EIF4E3: variants seen among roughly 807,000 people sequenced by gnomAD.
The protein encoded by EIF4E3 is eukaryotic translation initiation factor 4E family member 3.
A neutral mutation model predicts 31.7 loss-of-function variants in EIF4E3; 26 were observed. The ratio of observed to expected loss-of-function variants is 0.82; its 90% confidence interval spans 0.60 to 1.14. The LOEUF is 1.14. Among genes scored for constraint, EIF4E3 ranks in the 50% most tolerant of loss-of-function variants. The probability of loss-of-function intolerance (pLI) is 0.00; values close to 1 mark genes in which losing one functional copy is unlikely to be tolerated. For synonymous variants in EIF4E3, 128 were observed against 107.7 expected, an observed-to-expected ratio of 1.19 and a Z score of -1.17; for missense variants, 304 against 270.9, an observed-to-expected ratio of 1.12 and a Z score of -0.86.
chr3:71,689,875 T>A, intron 6 of EIF4E3, 135 bp downstream of exon 6: 1 of 842,240 alleles, frequency 1.2e-6, no homozygotes, highest in Non-Finnish European at 1.6e-6. Flanking sequence ...AAAACTTAAA[T>A]GTATTTTGTT....
At chr3:71,752,188 G>A (rs2049936369) in intron 1 of EIF4E3, among the ~76,000 whole-genome samples, 1 of 152,096 alleles carries the variant, frequency 6.6e-6, no homozygotes, top group South Asian at 2.1e-4. Flanking sequence ...GTCTCACCCC[G>A]GAGCTTGTTA....
At chr3:71,709,006 C>T (rs1033371771) in intron 2 of EIF4E3, among the ~76,000 whole-genome samples, 11 of 152,242 alleles carry the variant, frequency 7.2e-5, no homozygotes, top group Admixed American at 2.6e-4. Context: ...GGTAGCCACA[C>T]GCAGCACCTT....
chr3:71,693,778 G>T, intron 5 of EIF4E3, 97 bp downstream of exon 5: 1 of 1,183,972 alleles, frequency 8.4e-7, no homozygotes, highest in Non-Finnish European at 1.1e-6. Flanking sequence ...TTCAAAACAT[G>T]TAAAAAGTCA....
At chr3:71,742,622 T>C (rs2108153415) in intron 1 of EIF4E3, among the ~76,000 whole-genome samples, 1 of 152,214 alleles carries the variant, frequency 6.6e-6, no homozygotes, top group East Asian at 1.9e-4. Context: ...TTCCAAGTCA[T>C]TCTATTAGAT....
intron 3 of EIF4E3, among the ~76,000 whole-genome samples, chr3:71,697,025 T>G (rs912765743): frequency 6.7e-6 from 1 of 149,168 alleles, no homozygotes; most frequent in African/African-American, 2.5e-5. Context: ...GCCCCTGAAT[T>G]TTTTTTTAAA....
chr3:71,739,306 A>G (rs1256998737), intron 1 of EIF4E3, among the ~76,000 whole-genome samples: 1 of 152,070 alleles, frequency 6.6e-6, no homozygotes, highest in East Asian at 1.9e-4. Flanking sequence ...AAAATAATAG[A>G]GAAAATCAGT....
At chr3:71,663,271 T>G in the EIF4E3 span, among the ~76,000 whole-genome samples, 3,152 of 152,242 alleles carry the variant, frequency 0.021, 130 homozygotes, top group African/African-American at 0.072. Flanking sequence ...CCAAAGCAAA[T>G]TTCCCTAAAC....
chr3:71,742,846 A>C (rs1218435377), intron 1 of EIF4E3, among the ~76,000 whole-genome samples: 1 of 152,200 alleles, frequency 6.6e-6, no homozygotes, highest in Non-Finnish European at 1.5e-5. Flanking sequence ...CAATCAATAC[A>C]ATTCACTATT....
chr3:71,707,093 T>C (rs1392610829), intron 2 of EIF4E3, among the ~76,000 whole-genome samples: 5 of 152,198 alleles, frequency 3.3e-5, no homozygotes, highest in Non-Finnish European at 7.3e-5. Flanking sequence ...TATAGTTTCC[T>C]GATATAAAAC....
chr3:71,711,785 T>C (rs2049382857), intron 1 of EIF4E3, among the ~76,000 whole-genome samples: 1 of 152,206 alleles, frequency 6.6e-6, no homozygotes, highest in Non-Finnish European at 1.5e-5. Flanking sequence ...GAGACCAGCA[T>C]GGCCAACATG....
At chr3:71,729,031 G>A (rs1173195143), upstream of EIF4E3, 1 of 152,288 alleles carries the variant, frequency 6.6e-6, no homozygotes, top group Admixed American at 6.5e-5. Flanking sequence ...CTAGAAGAAT[G>A]AGAAAGTCAG....
At position 71,678,418 on chromosome 3, in the gene EIF4E3, C is replaced by T. The variant is rs1036876015; in HGVS notation, c.*6264G>A. The T allele has an allele frequency of 2.0e-5, 3 of 152,076 alleles. No individual in the cohort carries two copies. The highest frequency in any genetic ancestry group is 7.2e-5 in the African/African-American group (3 of 41,412). 9.4% of individuals were successfully genotyped at this position (152,076 alleles called of 1,614,324 possible). Reference sequence around the variant, plus strand: ...CCAAATTAGAAAATTGCAAAACAGTCTAAACATTTGCACTAAACACATAAA... The same window carrying T: ...CCAAATTAGAAAATTGCAAAACAGTTTAAACATTTGCACTAAACACATAAA... On this transcript the variant is annotated 3_prime_UTR_variant, in exon 7 of 7. Transcript: ENST00000425534.
chr3:71,673,309 G>A (rs565170755), downstream of EIF4E3, among the ~76,000 whole-genome samples: 15 of 152,190 alleles, frequency 9.9e-5, no homozygotes, highest in African/African-American at 3.4e-4. Context: ...ACATGCTGGT[G>A]CACAGGCCTT....
At chr3:71,669,236 C>T in the EIF4E3 span, among the ~76,000 whole-genome samples, 2 of 147,574 alleles carry the variant, frequency 1.4e-5, no homozygotes, top group South Asian at 4.4e-4. Flanking sequence ...GACTATCACA[C>T]ACCGGGGCCT....
rs1489688877 is a variant in EIF4E3 at position 71,684,451 on chromosome 3, G to GT, written c.*230dup. 2 of 356,906 alleles carry GT rather than the reference G, an allele frequency of 5.6e-6. No homozygotes were observed. Among genetic ancestry groups the GT allele is most frequent in the Non-Finnish European group, 9.9e-6 (2 of 201,260 alleles). The allele number at this position is 356,906 out of a possible 1,614,324, so 22.1% of individuals were successfully genotyped here. The stretch of plus-strand genomic sequence containing the variant: ...GAGAATTTAGAAAGCCAAAAAAAAA[G>GT]TTTTTTGTGTGTGTTTTTTTTAAAA... On this transcript the variant is annotated 3_prime_UTR_variant, in exon 7 of 7. Coordinates refer to ENST00000425534, the MANE Select transcript of EIF4E3 (RefSeq NM_001134651.2).
At chr3:71,748,232 T>C (rs1056699466) in intron 1 of EIF4E3, among the ~76,000 whole-genome samples, 1 of 152,050 alleles carries the variant, frequency 6.6e-6, no homozygotes. Flanking sequence ...CAAAACAAGA[T>C]GGTAAATACA....
chr3:71,672,156 A>G (rs1231219798), downstream of EIF4E3, among the ~76,000 whole-genome samples: 2 of 152,074 alleles, frequency 1.3e-5, no homozygotes, highest in Non-Finnish European at 2.9e-5. Flanking sequence ...GGGGAGTTTC[A>G]TTTTTAACCC....
At chr3:71,716,213 G>A (rs1173490374) in intron 1 of EIF4E3, among the ~76,000 whole-genome samples, 1 of 152,124 alleles carries the variant, frequency 6.6e-6, no homozygotes, top group Non-Finnish European at 1.5e-5. Context: ...TCCGGAAGAA[G>A]TGAAGTGCTT....
upstream of EIF4E3, chr3:71,725,485 C>A (rs1032953678): frequency 5.5e-6 from 1 of 182,026 alleles, no homozygotes; most frequent in African/African-American, 5.5e-5. The surrounding 1 kb of genome is among the most constrained non-coding windows in gnomAD (Gnocchi z 6.1). Context: ...CCGGGCTAGC[C>A]GCCCGCCGCC....
Sources: gnomAD v4.1 joint callset for allele counts (sites outside exome capture counted in the v4.1 genomes callset) on GRCh38, gnomAD v4.1.1 for gene constraint, Gnocchi (gnomAD v3.1) non-coding constraint, MANE v1.5 for transcripts, NCBI Gene and HGNC (gene_info 2026-07-23, HGNC 2026-07-21) for gene names.